Variants in DEPTOR observed in about 807,000 individuals in gnomAD.
DEPTOR encodes DEP domain-containing mTOR-interacting protein.
DEPTOR carries 41 observed loss-of-function variants against 41.6 expected under a neutral mutation model. That is an observed-to-expected ratio of 0.98 (90% CI 0.77 to 1.28). The LOEUF is 1.28. Ranked by LOEUF, DEPTOR falls within the 50% of genes most tolerant of loss-of-function variation. The probability of loss-of-function intolerance (pLI) is 0.00; values close to 1 mark genes in which losing one functional copy is unlikely to be tolerated. For missense variants in DEPTOR, 514 were observed against 527.9 expected (o/e 0.97, Z 0.26); for synonymous variants, 195 against 192.3 (o/e 1.01, Z -0.12).
chr8:119,926,913 A>G (rs1251945928), intron 1 of DEPTOR, among the ~76,000 whole-genome samples: 2 of 152,124 alleles, frequency 1.3e-5, no homozygotes, highest in African/African-American at 2.4e-5. Flanking sequence ...TAAAGCACAT[A>G]AGATAGCCTT....
At chr8:119,929,094 A>C (rs1828006420) in intron 2 of DEPTOR, among the ~76,000 whole-genome samples, 1 of 152,222 alleles carries the variant, frequency 6.6e-6, no homozygotes, top group African/African-American at 2.4e-5. Context: ...ATACATATGT[A>C]TAATTATGCC....
chr8:120,023,023 T>A (rs2130143036), intron 8 of DEPTOR, among the ~76,000 whole-genome samples: 1 of 152,234 alleles, frequency 6.6e-6, no homozygotes, highest in East Asian at 1.9e-4. Flanking sequence ...AACAACAGAT[T>A]AATTTGCTCA....
At chr8:119,969,701 A>C (rs1159434788) in intron 4 of DEPTOR, 1 of 152,158 alleles carries the variant, frequency 6.6e-6, no homozygotes, top group Non-Finnish European at 1.5e-5. Flanking sequence ...TGATTGTAGG[A>C]GTACTGAATA....
rs76852035 is a variant in DEPTOR at position 119,938,386 on chromosome 8, G to T, written c.425+8448G>T. ...AAAGGGCCATCATCTCTTCCCACAG[G>T]GTATTTAATAACTTTAGAACAAAAT... On this transcript the variant is annotated intron_variant, in intron 3 of 8. Coordinates refer to ENST00000286234, the MANE Select transcript of DEPTOR (RefSeq NM_022783.4). Among the ~76,000 whole-genome samples, 1,001 of 152,118 alleles carry T rather than the reference G, an allele frequency of 6.6e-3. 13 individuals carry two copies. The highest frequency in any genetic ancestry group is 0.023 in the African/African-American group (965 of 41,484).
Position 119,883,473 on chromosome 8 carries a change from T to TAAA in DEPTOR, c.122+9526_122+9528dup, listed in dbSNP as rs386413817. ...CTGGGCGACAGAGCGAGACTCGTCT[T>TAAA]AAAAAAAAAAAAAAAAAAAAAAAGA... is the stretch of plus-strand genomic sequence containing the variant. On this transcript the variant is annotated intron_variant, in intron 1 of 8. Transcript: ENST00000286234. 9.3e-3 allele frequency among the ~76,000 whole-genome samples: 1,039 copies of TAAA among 112,030 alleles called. 8 individuals are homozygous for TAAA. Among genetic ancestry groups the TAAA allele is most frequent in the African/African-American group, 0.014 (388 of 28,346 alleles). 73.5% of individuals were successfully genotyped at this position (112,030 alleles called of 152,430 possible). A position where few individuals can be genotyped will look rare whatever the true frequency, so the allele number is the denominator to read the frequency against.
Position 120,049,610 on chromosome 8 carries a change from A to G in DEPTOR, c.1136A>G (p.Asn379Ser). 1 of 1,613,794 alleles carries G rather than the reference A, an allele frequency of 6.2e-7. No individual in the cohort carries two copies. The highest frequency in any genetic ancestry group is 8.5e-7 in the Non-Finnish European group (1 of 1,179,828). ...CQFVVSVNGL[N>S]VLHVDYRTVS... ...TTTGTCGTCTCTGTCAACGGGCTCA[A>G]TGTCCTGCATGTAGACTACCGGACC... Residue 379 changes from asparagine (N) to serine (S), a missense_variant, in exon 9 of 9, where the codon AAT becomes AGT. Transcript: ENST00000286234.
intron 4 of DEPTOR, among the ~76,000 whole-genome samples, chr8:119,984,054 G>A (rs926268898): frequency 1.3e-5 from 2 of 152,052 alleles, no homozygotes; most frequent in African/African-American, 4.8e-5. Context: ...TGGGGTTCCT[G>A]GGAAGGATTT....
rs528879668 is a variant in DEPTOR, at chr8:120,014,126, G to A, written c.1101+4993G>A. Among the ~76,000 whole-genome samples the A allele has an allele frequency of 3.3e-5, 5 of 152,222 alleles. No homozygotes were observed. The East Asian group carries it at 7.7e-4, about 24-fold the overall frequency. On this transcript the variant is annotated intron_variant, in intron 8 of 8. Transcript: ENST00000286234. ...TACTTAAAAAATAAAATCTGTAAAC[G>A]TCGGGCTTGGAGGACTTTTGTTTGG...
chr8:119,963,602 CA>C (rs1283365845), intron 3 of DEPTOR, among the ~76,000 whole-genome samples: 11 of 152,318 alleles, frequency 7.2e-5, no homozygotes, highest in Non-Finnish European at 1.6e-4. Flanking sequence ...CCACCAGCCT[CA>C]GCTTCCCAAG....
At chr8:119,998,065 A>C (rs2063440349) in intron 4 of DEPTOR, among the ~76,000 whole-genome samples, 1 of 152,228 alleles carries the variant, frequency 6.6e-6, no homozygotes, top group South Asian at 2.1e-4. Context: ...AACTCAATAC[A>C]TGGTAGTTGA....
At chr8:120,035,615 T>C (rs1213991474) in intron 8 of DEPTOR, among the ~76,000 whole-genome samples, 1 of 152,174 alleles carries the variant, frequency 6.6e-6, no homozygotes, top group Non-Finnish European at 1.5e-5. Context: ...CACTGCAACC[T>C]CCGCCTCCCG....
At chr8:120,036,560 T>C (rs561259956) in intron 8 of DEPTOR, among the ~76,000 whole-genome samples, 1 of 152,312 alleles carries the variant, frequency 6.6e-6, no homozygotes, top group Non-Finnish European at 1.5e-5. Context: ...ACTTTTTTTT[T>C]CTTCCAGGAA....
chr8:120,018,752 A>G (rs1812650780), intron 8 of DEPTOR, among the ~76,000 whole-genome samples: 1 of 152,134 alleles, frequency 6.6e-6, no homozygotes. Context: ...GACTGGGAGG[A>G]GCAAGATGAC....
chr8:119,899,324 C>T (rs1294775800), intron 1 of DEPTOR, among the ~76,000 whole-genome samples: 1 of 152,116 alleles, frequency 6.6e-6, no homozygotes, highest in African/African-American at 2.4e-5. Context: ...TGTTCTTTGT[C>T]TCAGGATTTT....
chr8:119,898,977 C>G (rs1176286960), intron 1 of DEPTOR, among the ~76,000 whole-genome samples: 1 of 152,122 alleles, frequency 6.6e-6, no homozygotes, highest in Non-Finnish European at 1.5e-5. Flanking sequence ...ACCCCATATT[C>G]CTTTTGGTGA....
intron 5 of DEPTOR, among the ~76,000 whole-genome samples, chr8:120,002,355 GT>G (rs1239788553): frequency 1.3e-5 from 2 of 151,964 alleles, no homozygotes; most frequent in Non-Finnish European, 2.9e-5. Context: ...GGCCAGGCTG[GT>G]CTCAAACTCC....
intron 4 of DEPTOR, among the ~76,000 whole-genome samples, chr8:119,990,603 C>T (rs924591179): frequency 1.5e-4 from 23 of 152,220 alleles, no homozygotes; most frequent in African/African-American, 4.1e-4. Flanking sequence ...TCTATCTTTA[C>T]TAAAGTTACT....
At chr8:119,934,115 A>G (rs1828079622) in intron 3 of DEPTOR, among the ~76,000 whole-genome samples, 1 of 152,132 alleles carries the variant, frequency 6.6e-6, no homozygotes. Context: ...TCCTGGCCTC[A>G]AGTGATCTGT....
At chr8:119,934,782 C>T (rs954107942) in intron 3 of DEPTOR, among the ~76,000 whole-genome samples, 5 of 152,278 alleles carry the variant, frequency 3.3e-5, no homozygotes, top group Non-Finnish European at 7.3e-5. Flanking sequence ...AGCCCAGCTA[C>T]CTGGGTGTGA....
Sources: gnomAD v4.1 joint callset for allele counts (sites outside exome capture counted in the v4.1 genomes callset) on GRCh38, gnomAD v4.1.1 for gene constraint, MANE v1.5 for transcripts, NCBI Gene and HGNC (gene_info 2026-07-23, HGNC 2026-07-21) for gene names.